Variants in SOAT1 observed in about 807,000 individuals in gnomAD.
The protein encoded by SOAT1 is acyl-coenzyme A:cholesterol acyltransferase 1.
SOAT1 carries 55 observed loss-of-function variants against 69.5 expected under a neutral mutation model. The ratio of observed to expected loss-of-function variants is 0.79; its 90% CI spans 0.64 to 0.99. The LOEUF (loss-of-function observed/expected upper bound fraction) is 0.99, where lower values mean the gene tolerates loss of function less well. Among genes scored for constraint, SOAT1 ranks in the 50% least tolerant of loss-of-function variants. The probability of loss-of-function intolerance (pLI) is 0.00; values close to 1 mark genes in which losing one functional copy is unlikely to be tolerated. For missense variants in SOAT1, 580 were observed against 669.3 expected, an observed-to-expected ratio of 0.87 and a Z score of 1.47; for synonymous variants, 231 against 224.7, an observed-to-expected ratio of 1.03 and a Z score of -0.25.
intron 2 of SOAT1, among the ~76,000 whole-genome samples, chr1:179,305,761 A>G (rs979028776): frequency 6.6e-6 from 1 of 152,206 alleles, no homozygotes; most frequent in Non-Finnish European, 1.5e-5. Context: ...TTTTGATGAT[A>G]GCCTTCCAGC....
At chr1:179,329,262 C>T (rs1665891574) in intron 3 of SOAT1, among the ~76,000 whole-genome samples, 1 of 151,796 alleles carries the variant, frequency 6.6e-6, no homozygotes, top group South Asian at 2.1e-4. Context: ...TCGCTTGAAC[C>T]CAGGAGGCAG....
intron 1 of SOAT1, among the ~76,000 whole-genome samples, chr1:179,298,931 A>G (rs946155016): frequency 1.3e-5 from 2 of 152,224 alleles, no homozygotes; most frequent in Non-Finnish European, 2.9e-5. Flanking sequence ...GTTACATATT[A>G]ACTGATACAT....
intron 2 of SOAT1, among the ~76,000 whole-genome samples, chr1:179,315,286 A>C (rs2124952685): frequency 6.6e-6 from 1 of 152,146 alleles, no homozygotes; most frequent in Admixed American, 6.5e-5. Flanking sequence ...CTTTACAAAA[A>C]AATTTTTTTT....
chr1:179,323,045 CTTT>C (rs36045111), intron 2 of SOAT1, among the ~76,000 whole-genome samples: 6 of 126,726 alleles, frequency 4.7e-5, no homozygotes, highest in Non-Finnish European at 8.1e-5. Context: ...TCTTTTCTTT[CTTT>C]TTTTTTTTTT....
chr1:179,295,187 G>A (rs977246303), intron 1 of SOAT1, among the ~76,000 whole-genome samples: 36 of 152,078 alleles, frequency 2.4e-4, no homozygotes, highest in African/African-American at 7.5e-4. Flanking sequence ...CTTTCCTTCT[G>A]GCTTTCCAGG....
intron 1 of SOAT1, among the ~76,000 whole-genome samples, chr1:179,299,750 T>TC: frequency 1.6e-5 from 1 of 62,202 alleles, no homozygotes; most frequent in Non-Finnish European, 3.0e-5. Flanking sequence ...GCTATCTTTT[T>TC]TTTTTTTTTT....
At chr1:179,323,045 CTTTTTTTTT>C (rs36045111) in intron 2 of SOAT1, among the ~76,000 whole-genome samples, 2 of 126,740 alleles carry the variant, frequency 1.6e-5, no homozygotes. Flanking sequence ...TCTTTTCTTT[CTTTTTTTTT>C]TTTTTTTGCC....
chr1:179,350,540 T>G, intron 14 of SOAT1, 109 bp downstream of exon 14: 1 of 999,552 alleles, frequency 1.0e-6, no homozygotes, highest in Non-Finnish European at 1.5e-6. Flanking sequence ...AGTAGTAACA[T>G]TTTAAGGTAG....
At chr1:179,342,810 T>C (rs535034719) in intron 8 of SOAT1, 52 bp from the exon 9 acceptor site, 4 of 1,290,384 alleles carry the variant, frequency 3.1e-6, no homozygotes, top group East Asian at 4.6e-5. Flanking sequence ...CCTGTATTTT[T>C]GCTGTGAAAA....
At chr1:179,327,918 A>G (rs1315615809) in intron 3 of SOAT1, among the ~76,000 whole-genome samples, 1 of 152,152 alleles carries the variant, frequency 6.6e-6, no homozygotes, top group Non-Finnish European at 1.5e-5. Flanking sequence ...GGTTTTCAGT[A>G]TGTATTTTTT....
rs890821288 is a variant in SOAT1, at chr1:179,342,911, T to C, written c.909T>C (p.Ala303=). The change falls in exon 9 of 16, where the codon GCT becomes GCC. Residue 303 remains alanine, a synonymous_variant. Transcript: ENST00000367619. ...TVNQYLYFLF[A]PTLIYRDSYP... ...ACCAGTATTTGTACTTCTTATTTGC[T>C]CCTACCCTTATCTACCGTGACAGCT... 2 of 1,613,722 alleles carry C rather than the reference T, an allele frequency of 1.2e-6. No homozygotes were observed. Among genetic ancestry groups the C allele is most frequent in the African/African-American group, 2.7e-5 (2 of 74,910 alleles).
chr1:179,298,673 T>C (rs1285072847), intron 1 of SOAT1, among the ~76,000 whole-genome samples: 1 of 152,188 alleles, frequency 6.6e-6, no homozygotes, highest in African/African-American at 2.4e-5. Flanking sequence ...ACCTTAAATA[T>C]GCTCCAAACA....
rs1203926828 is a variant in SOAT1, at chr1:179,347,580, A to C, written c.1118-20A>C. 6.9e-7 allele frequency: 1 copy of C among 1,458,040 alleles called. No homozygotes were observed. The highest frequency in any genetic ancestry group is 2.3e-5 in the East Asian group (1 of 44,132). 90.3% of individuals were successfully genotyped at this position (1,458,040 alleles called of 1,614,324 possible). A position where few individuals can be genotyped will look rare whatever the true frequency, so the allele number is the denominator to read the frequency against. ...TGAGCTATTTGGAAAGACTGTTAATATTGTTAATCTTATTTTTAGGTGTGC... is the reference window on the plus strand; with the variant it reads ...TGAGCTATTTGGAAAGACTGTTAATCTTGTTAATCTTATTTTTAGGTGTGC... On this transcript the variant is annotated intron_variant, in intron 11 of 15. Coordinates refer to ENST00000367619, the MANE Select transcript of SOAT1 (RefSeq NM_003101.6).
chr1:179,306,694 C>T (rs1017090031), intron 2 of SOAT1, among the ~76,000 whole-genome samples: 3 of 151,754 alleles, frequency 2.0e-5, no homozygotes, highest in Non-Finnish European at 4.4e-5. Flanking sequence ...TAGCCGGGTG[C>T]GGTGGTGGGC....
At chr1:179,339,275 G>T (rs1666253192) in intron 5 of SOAT1, among the ~76,000 whole-genome samples, 163 bp from the exon 6 acceptor site, 1 of 152,094 alleles carries the variant, frequency 6.6e-6, no homozygotes, top group South Asian at 2.1e-4. Context: ...TCCATTTCTG[G>T]TAGGTTTTAA....
intron 8 of SOAT1, 53 bp downstream of exon 8, chr1:179,342,245 C>G (rs1666364425): frequency 8.4e-7 from 1 of 1,192,742 alleles, no homozygotes; most frequent in African/African-American, 1.6e-5. Flanking sequence ...TCCTCTCCCC[C>G]CACCCCATTC....
chr1:179,308,725 A>G (rs1665114514), intron 2 of SOAT1, among the ~76,000 whole-genome samples: 1 of 151,920 alleles, frequency 6.6e-6, no homozygotes, highest in African/African-American at 2.4e-5. Context: ...AAATATGCAT[A>G]TAAATTTTTT....
At chr1:179,296,652 G>A (rs1308298040) in intron 1 of SOAT1, among the ~76,000 whole-genome samples, 3 of 152,180 alleles carry the variant, frequency 2.0e-5, no homozygotes, top group African/African-American at 7.2e-5. Context: ...GGGTGCCAGA[G>A]GGAAATTTTT....
intron 2 of SOAT1, 51 bp from the exon 3 acceptor site, chr1:179,323,386 C>A: frequency 1.4e-6 from 2 of 1,463,550 alleles, no homozygotes; most frequent in Non-Finnish European, 1.9e-6. Context: ...GACAGTGCTA[C>A]TAGGTAGCTG....
Sources: gnomAD v4.1 joint callset for allele counts (sites outside exome capture counted in the v4.1 genomes callset) on GRCh38, gnomAD v4.1.1 for gene constraint, MANE v1.5 for transcripts, NCBI Gene and HGNC (gene_info 2026-07-23, HGNC 2026-07-21) for gene names.